The following ABCC8 variants were observed in gnomAD, a reference collection of about 807,000 sequenced individuals.
The protein encoded by ABCC8 is ATP binding cassette subfamily C member 8.
Under a neutral mutation model 188.0 loss-of-function variants are expected in ABCC8, and 137 were observed. The observed-to-expected ratio is 0.73, with a 90% CI of 0.63 to 0.84. The LOEUF (loss-of-function observed/expected upper bound fraction) is 0.84, where lower values mean the gene tolerates loss of function less well. Among genes scored for constraint, ABCC8 ranks in the 40% least tolerant of loss-of-function variants. ABCC8 has a pLI of 0.00. For missense variants in ABCC8, 1,750 were observed against 2,072.7 expected, an observed-to-expected ratio of 0.84 and a Z score of 3.02; for synonymous variants, 797 against 846.5, an observed-to-expected ratio of 0.94 and a Z score of 1.01.
At chr11:17,461,280 G>A in intron 5 of ABCC8, 1 of 478,534 alleles carries the variant, frequency 2.1e-6, no homozygotes. Flanking sequence ...AAAGAGCACA[G>A]GGATGTGAGA....
chr11:17,463,727 CGAGT>C (rs1847975875), intron 3 of ABCC8, 123 bp from the exon 4 acceptor site: 1 of 1,290,706 alleles, frequency 7.7e-7, no homozygotes, highest in Non-Finnish European at 1.1e-6. Flanking sequence ...TGTACATTTC[CGAGT>C]AAGTGGATGT....
In ABCC8 at chr11:17,418,779, C is replaced by A. The variant is rs186152127; in HGVS notation, c.2223-1817G>T. On this transcript the variant is annotated intron_variant, in intron 16 of 38. Transcript: ENST00000389817. Reference sequence around the variant, plus strand: ...ATCAGCTCCCGTGTAATTTGTTCATCCCCAGTGGAATTTTAAGGCAGGAAG... The same window carrying A: ...ATCAGCTCCCGTGTAATTTGTTCATACCCAGTGGAATTTTAAGGCAGGAAG... Among the ~76,000 whole-genome samples, 520 of 152,330 alleles carry A rather than the reference C, an allele frequency of 3.4e-3. 1 individual carries two copies. The highest frequency in any genetic ancestry group is 5.5e-3 in the Non-Finnish European group (377 of 68,036).
intron 18 of ABCC8, 105 bp downstream of exon 18, chr11:17,415,199 G>A: frequency 7.4e-6 from 11 of 1,492,074 alleles, no homozygotes; most frequent in Non-Finnish European, 1.0e-5. Context: ...CCAACACTGG[G>A]GCTGGGGTCT....
At chr11:17,421,120 G>T (rs1282108839) in intron 16 of ABCC8, among the ~76,000 whole-genome samples, 1 of 152,170 alleles carries the variant, frequency 6.6e-6, no homozygotes, top group African/African-American at 2.4e-5. Context: ...ATCCTGGGTG[G>T]GTGAGCTCCC....
chr11:17,448,735 G>A (rs2133617976), intron 7 of ABCC8, 64 bp from the exon 8 acceptor site: 1 of 1,612,636 alleles, frequency 6.2e-7, no homozygotes, highest in Admixed American at 1.7e-5. Context: ...CACACCAGAT[G>A]CCACCTGTTA....
chr11:17,393,619 G>A (rs1953743794), intron 38 of ABCC8, 78 bp downstream of exon 38: 2 of 1,597,880 alleles, frequency 1.3e-6, no homozygotes, highest in South Asian at 1.1e-5. Flanking sequence ...AAGCCCAGGG[G>A]CTGTGCACTG....
chr11:17,476,615 C>T lies in ABCC8; in HGVS notation c.148+14G>A, dbSNP rs770471472. On this transcript the variant is annotated intron_variant, in intron 1 of 38. Coordinates refer to ENST00000389817, the MANE Select transcript of ABCC8 (RefSeq NM_000352.6). ...CTCCCGTCCCCTCCTCCGCGGCTCG[C>T]TGCGCGCACTCACCAATGAAGAGGA... The T allele has an allele frequency of 1.9e-6, 3 of 1,610,104 alleles. No homozygotes were observed. Among genetic ancestry groups the T allele is most frequent in the Non-Finnish European group, 2.5e-6 (3 of 1,178,482 alleles).
rs1292836609 is a variant in ABCC8, at chr11:17,407,046, T to C, written c.3004A>G (p.Lys1002Glu). The C allele has an allele frequency of 6.2e-7, 1 of 1,614,134 alleles. No homozygotes were observed. Among genetic ancestry groups the C allele is most frequent in the East Asian group, 2.2e-5 (1 of 44,878 alleles). ...RAEIPWRACA[K>E]YLSSAGILLL... ...AGGATGCCGGCGGAGGACAGGTACT[T>C]GGCGCAGGCTCGCCATGGGATCTCA... Residue 1002 changes from lysine to glutamate, a missense_variant, in exon 25 of 39, where the codon AAG becomes GAG. Coordinates refer to ENST00000389817, the MANE Select transcript of ABCC8 (RefSeq NM_000352.6).
intron 18 of ABCC8, 26 bp from the exon 19 acceptor site, chr11:17,414,636 G>T (rs79459954): frequency 6.2e-7 from 1 of 1,613,726 alleles, no homozygotes; most frequent in African/African-American, 1.3e-5. Context: ...CGGGAGTAGG[G>T]GGTGCGGAAG....
chr11:17,396,298 T>C (rs1953924503), intron 33 of ABCC8: 11 of 399,414 alleles, frequency 2.8e-5, no homozygotes, highest in South Asian at 2.3e-4. Flanking sequence ...TGGATGTGTC[T>C]GTGTGCCCCG....
At position 17,392,976 on chromosome 11, in the gene ABCC8, T is replaced by C; in HGVS notation, c.*15A>G. 6.2e-7 allele frequency: 1 copy of C among 1,613,926 alleles called. No individual in the cohort carries two copies. Among genetic ancestry groups the C allele is most frequent in the Middle Eastern group, 1.6e-4 (1 of 6,062 alleles). On this transcript the variant is annotated 3_prime_UTR_variant, in exon 39 of 39. Transcript: ENST00000389817. ...GCAGGGTCCGAATGTGGGATGGCACTTGGGCTCTGGCAGGTCACTTGTCTG... is the reference window on the plus strand; with the variant it reads ...GCAGGGTCCGAATGTGGGATGGCACCTGGGCTCTGGCAGGTCACTTGTCTG...
chr11:17,448,173 C>A, intron 8 of ABCC8: 1 of 322,638 alleles, frequency 3.1e-6, no homozygotes, highest in Non-Finnish European at 5.9e-6. Context: ...CAGTCTTGAA[C>A]TCCTGTGCTC....
chr11:17,400,474 C>G (rs1033813132), intron 29 of ABCC8, among the ~76,000 whole-genome samples: 1 of 152,112 alleles, frequency 6.6e-6, no homozygotes, highest in Non-Finnish European at 1.5e-5. Flanking sequence ...GCCCCAGCCT[C>G]GGAGCCATGT....
At position 17,405,558 on chromosome 11, in the gene ABCC8, A is replaced by G. The variant is rs1316784720; in HGVS notation, c.3335T>C (p.Phe1112Ser). The change falls in exon 27 of 39, where the codon TTT becomes TCT. Residue 1112 changes from phenylalanine to serine, a missense_variant. Transcript: ENST00000389817. ...NRIILAPMRF[F>S]ETTPLGSILN... ...GATGCTCCCAAGGGGCGTGGTCTCAAAAAACCTAAGAGGCAGCCAGAGGAA... is the reference window on the plus strand; with the variant it reads ...GATGCTCCCAAGGGGCGTGGTCTCAGAAAACCTAAGAGGCAGCCAGAGGAA... 6.2e-7 allele frequency: 1 copy of G among 1,614,144 alleles called. No individual in the cohort carries two copies. Among genetic ancestry groups the G allele is most frequent in the African/African-American group, 1.3e-5 (1 of 74,956 alleles).
chr11:17,396,678 C>CG (rs1475403012), intron 33 of ABCC8: 10 of 563,430 alleles, frequency 1.8e-5, no homozygotes, highest in South Asian at 6.0e-5. Context: ...TCCAGAGTGT[C>CG]GGTCTCCTTG....
At chr11:17,458,896 C>T (rs971358221) in intron 6 of ABCC8, among the ~76,000 whole-genome samples, 1 of 152,218 alleles carries the variant, frequency 6.6e-6, no homozygotes, top group African/African-American at 2.4e-5. Context: ...GAATATTCCT[C>T]CTAAGAGTCA....
intron 5 of ABCC8, 165 bp from the exon 6 acceptor site, chr11:17,460,841 C>G: frequency 1.4e-6 from 2 of 1,420,834 alleles, no homozygotes; most frequent in East Asian, 2.5e-5. Flanking sequence ...AGCAAGTGCA[C>G]AGTTGGGAGG....
chr11:17,452,791 G>A (rs1381157965), intron 7 of ABCC8, among the ~76,000 whole-genome samples: 1 of 152,214 alleles, frequency 6.6e-6, no homozygotes, highest in Non-Finnish European at 1.5e-5. Context: ...TTCCAAGGTT[G>A]CATTTACCCT....
In ABCC8 at chr11:17,404,961, C is replaced by G. The variant is rs1051682183; in HGVS notation, c.3400-292G>C. ...ATTTTTAATAGAGAAGGGGTTTCAT[C>G]ATGTTGGCCATCAGGCTGGTCTTGA... On this transcript the variant is annotated intron_variant, in intron 27 of 38. Transcript: ENST00000389817. This position sits in a 1 kb window ranked among gnomAD's most constrained non-coding sequence, Gnocchi z 4.7. Among the ~76,000 whole-genome samples, 1 of 152,126 alleles carries G rather than the reference C, an allele frequency of 6.6e-6. No homozygotes were observed. The highest frequency in any genetic ancestry group is 1.5e-5 in the Non-Finnish European group (1 of 68,022).
Sources: allele counts gnomAD v4.1 joint callset (sites outside exome capture counted in the v4.1 genomes callset), GRCh38; gene constraint gnomAD v4.1.1; non-coding constraint Gnocchi (gnomAD v3.1); transcripts MANE v1.5; gene names NCBI Gene and HGNC (gene_info 2026-07-23, HGNC 2026-07-21).